MICAL1: variants seen among roughly 807,000 people sequenced by gnomAD.
MICAL1 encodes the protein [F-actin]-monooxygenase MICAL1.
Under a neutral mutation model 131.8 loss-of-function variants are expected in MICAL1, and 95 were observed. That is an observed-to-expected ratio of 0.72 (90% confidence interval 0.61 to 0.86). MICAL1 has a LOEUF of 0.86. MICAL1 is among the 40% of genes least tolerant of loss of function. The probability of loss-of-function intolerance (pLI) is 0.00; values close to 1 mark genes in which losing one functional copy is unlikely to be tolerated. For missense variants in MICAL1, 1,292 were observed against 1,380.6 expected, an observed-to-expected ratio of 0.94 and a Z score of 1.02; for synonymous variants, 546 against 554.2, an observed-to-expected ratio of 0.99 and a Z score of 0.21.
chr6:109,453,649 AG>A lies in MICAL1; in HGVS notation c.454del (p.Leu152TrpfsTer14). The A allele has an allele frequency of 6.2e-7, 1 of 1,603,780 alleles. No individual in the cohort carries two copies. The highest frequency in any genetic ancestry group is 8.5e-7 in the Non-Finnish European group (1 of 1,175,306). Reference protein sequence around the residue: ...KFYGRFCTGTLDHISIRQLQL... With the variant: ...KFYGRFCTGTXDHISIRQLQL... ...CACGTGGTGCTCACTGATGTGGTCCAGGGTGCCGGTGCAGAAGCGCCCGTAG... is the reference window on the plus strand; with the variant it reads ...CACGTGGTGCTCACTGATGTGGTCCAGGTGCCGGTGCAGAAGCGCCCGTAG... On this transcript the variant is annotated frameshift_variant, in exon 3 of 25. Coordinates refer to ENST00000358807, the MANE Select transcript of MICAL1 (RefSeq NM_022765.4). LOFTEE classifies it high-confidence loss of function.
At chr6:109,452,450 A>C (rs562756370) in intron 5 of MICAL1, 49 bp from the exon 6 acceptor site, 1 of 1,611,058 alleles carries the variant, frequency 6.2e-7, no homozygotes, top group Admixed American at 1.7e-5. Context: ...GGTTATAACA[A>C]TCTAGAAAGG....
chr6:109,453,411 C>T (rs1440677379), intron 3 of MICAL1, 44 bp from the exon 4 acceptor site: 3 of 1,589,208 alleles, frequency 1.9e-6, no homozygotes, highest in African/African-American at 2.7e-5. Context: ...TAGGGCAGCA[C>T]AAGCTCCCCA....
At position 109,453,927 on chromosome 6, in the gene MICAL1, C is replaced by T. The variant is rs1775644534; in HGVS notation, c.258+12G>A. 4 of 1,611,708 alleles carry T rather than the reference C, an allele frequency of 2.5e-6. No homozygotes were observed. Among genetic ancestry groups the T allele is most frequent in the Non-Finnish European group, 3.4e-6 (4 of 1,178,396 alleles). ...CATGCTCCACACCCCATCCCAGGCA[C>T]CGTGTATCCACCTTGGTGCTGGTGC... is the stretch of plus-strand genomic sequence containing the variant. On this transcript the variant is annotated intron_variant, in intron 2 of 24. Coordinates refer to ENST00000358807, the MANE Select transcript of MICAL1 (RefSeq NM_022765.4).
upstream of MICAL1, among the ~76,000 whole-genome samples, chr6:109,456,484 G>A (rs1225571023): frequency 6.6e-6 from 1 of 152,192 alleles, no homozygotes; most frequent in Non-Finnish European, 1.5e-5. Context: ...GCTTCCAAAT[G>A]GATATGAGAA....
chr6:109,448,892 G>T lies in MICAL1; in HGVS notation c.1517-13C>A. The T allele has an allele frequency of 6.2e-7, 1 of 1,612,470 alleles. No individual in the cohort carries two copies. ...GTGCCTGCCGACCCTGGGAAAGAAG[G>T]CTGTGCTGTGCCCAAGGCCCCCTCT... On this transcript the variant is annotated splice_polypyrimidine_tract_variant and intron_variant, in intron 11 of 24. Transcript: ENST00000358807.
chr6:109,447,941 TG>T lies in MICAL1; in HGVS notation c.1877del (p.Pro626GlnfsTer57). ...HSPGPVSQAS[P>X]GTSSAVLFLS... ...GGAATAATACAGCACTGGAGGTCCC[TG>T]GGGAGGCCTGGCTGACAGGGCCTGC... is the stretch of plus-strand genomic sequence containing the variant. On this transcript the variant is annotated frameshift_variant, in exon 14 of 25. Coordinates refer to ENST00000358807, the MANE Select transcript of MICAL1 (RefSeq NM_022765.4). LOFTEE classifies it high-confidence loss of function. The T allele has an allele frequency of 1.2e-6, 2 of 1,611,704 alleles. No individual in the cohort carries two copies. The highest frequency in any genetic ancestry group is 1.7e-6 in the Non-Finnish European group (2 of 1,178,778).
chr6:109,451,745 G>T, intron 6 of MICAL1, 45 bp from the exon 7 acceptor site: 2 of 1,607,630 alleles, frequency 1.2e-6, no homozygotes, highest in Non-Finnish European at 1.7e-6. Context: ...TCCTGATAAT[G>T]CATCACCTTC....
chr6:109,448,699 C>T (rs763647678), intron 12 of MICAL1, 33 bp downstream of exon 12: 1 of 1,612,652 alleles, frequency 6.2e-7, no homozygotes, highest in Admixed American at 1.7e-5. Flanking sequence ...ACACTGAGAT[C>T]ATGAGAGAGA....
At position 109,455,306 on chromosome 6, in the gene MICAL1, C is replaced by G. The variant is rs1468265069; in HGVS notation, c.-44+413G>C. Among the ~76,000 whole-genome samples the G allele has an allele frequency of 2.0e-5, 3 of 152,206 alleles. No individual in the cohort carries two copies. The highest frequency in any genetic ancestry group is 7.2e-5 in the African/African-American group (3 of 41,458). ...GCCCCTCCGTTCCCAGCCCGCCGCG[C>G]CGAGACAGGAGATGAAAGCCTCCCG... On this transcript the variant is annotated intron_variant, in intron 1 of 24. Coordinates refer to ENST00000358807, the MANE Select transcript of MICAL1 (RefSeq NM_022765.4). The surrounding 1 kb of genome is among the most constrained non-coding windows in gnomAD (Gnocchi z 4.7).
In MICAL1 at chr6:109,445,857, C is replaced by T; in HGVS notation, c.2587G>A (p.Val863Met). The part of the protein sequence containing the change: ...GLPVQSPQAL[V>M]AMEKEEKESP... The stretch of plus-strand genomic sequence containing the variant: ...TCTTTTTCCTCCTTCTCCATGGCCA[C>T]AAGAGCTGAGAAGAAGAACTGAGAC... The change falls in exon 20 of 25, where the codon GTG becomes ATG. Residue 863 changes from valine to methionine, a missense_variant. Transcript: ENST00000358807. 1.2e-6 allele frequency: 2 copies of T among 1,601,446 alleles called. No individual in the cohort carries two copies. The highest frequency in any genetic ancestry group is 1.1e-5 in the South Asian group (1 of 88,948).
At chr6:109,449,906 C>T in intron 9 of MICAL1, 64 bp downstream of exon 9, 2 of 1,596,348 alleles carry the variant, frequency 1.3e-6, no homozygotes, top group Non-Finnish European at 1.7e-6. Flanking sequence ...AGCACCCCTG[C>T]CCCTCTTCCT....
Position 109,444,097 on chromosome 6 carries a change from G to C in MICAL1, c.*94C>G, listed in dbSNP as rs900055569. The C allele has an allele frequency of 1.5e-5, 23 of 1,521,678 alleles. No individual in the cohort carries two copies. Among genetic ancestry groups the C allele is most frequent in the Admixed American group, 2.1e-5 (1 of 46,936 alleles). The allele number at this position is 1,521,678 out of a possible 1,614,324, so 94.3% of individuals were successfully genotyped here. On this transcript the variant is annotated 3_prime_UTR_variant, in exon 25 of 25. Coordinates refer to ENST00000358807, the MANE Select transcript of MICAL1 (RefSeq NM_022765.4). Reference sequence around the variant, plus strand: ...AAACATTTTAATTGTAAACAGCAAGGCTCTCTGCCAGGCAGCCCAGATGAA... The same window carrying C: ...AAACATTTTAATTGTAAACAGCAAGCCTCTCTGCCAGGCAGCCCAGATGAA...
At chr6:109,454,324 C>A in intron 1 of MICAL1, 85 bp from the exon 2 acceptor site, 1 of 1,320,150 alleles carries the variant, frequency 7.6e-7, no homozygotes, top group Non-Finnish European at 1.0e-6. Flanking sequence ...AGGCTGGTGT[C>A]CCCAGGGAGC....
intron 7 of MICAL1, 108 bp from the exon 8 acceptor site, chr6:109,450,665 A>T: frequency 7.7e-7 from 1 of 1,295,336 alleles, no homozygotes; most frequent in Non-Finnish European, 1.0e-6. Flanking sequence ...CCAGAGAAGG[A>T]AGGGGCTGCC....
At chr6:109,452,216 G>A in intron 6 of MICAL1, 30 bp downstream of exon 6, 1 of 1,595,206 alleles carries the variant, frequency 6.3e-7, no homozygotes, top group East Asian at 2.2e-5. Flanking sequence ...CAGGCAGGGG[G>A]AGGGGAAATT....
rs537162085 is a variant in MICAL1, at chr6:109,446,383, C to T, written c.2334G>A (p.Met778Ile). 1.3e-6 allele frequency: 2 copies of T among 1,584,350 alleles called. No individual in the cohort carries two copies. The highest frequency in any genetic ancestry group is 1.5e-5 in the African/African-American group (1 of 65,064). Residue 778 changes from methionine (M) to isoleucine (I), a missense_variant, in exon 19 of 25, where the codon ATG becomes ATA. By Grantham distance (10) the Met-to-Ile change is conservative. Transcript: ENST00000358807. ...PELPTPSENSMPPGLSTPTAS... is the reference protein window; with the variant it reads ...PELPTPSENSIPPGLSTPTAS... Reference sequence around the variant, plus strand: ...CTGTGGGAGTTGAGAGGCCTGGTGGCATGCTATTCTCACTTGGTGTGGGGA... The same window carrying T: ...CTGTGGGAGTTGAGAGGCCTGGTGGTATGCTATTCTCACTTGGTGTGGGGA...
At chr6:109,463,345 A>G (rs1247668066) in intron 1 of MICAL1, 1 of 152,170 alleles carries the variant, frequency 6.6e-6, no homozygotes, top group Non-Finnish European at 1.5e-5. Flanking sequence ...AAGAGGCTAG[A>G]TTAACAAAGC....
In MICAL1 at chr6:109,453,992, T is replaced by G. The variant is rs1280348856; in HGVS notation, c.205A>C (p.Lys69Gln). 1.9e-6 allele frequency: 3 copies of G among 1,614,100 alleles called. No homozygotes were observed. In the Admixed American group the frequency reaches 5.0e-5, roughly 27 times the overall value. The change falls in exon 2 of 25, where the codon AAG becomes CAG. Residue 69 changes from lysine to glutamine, a missense_variant. Coordinates refer to ENST00000358807, the MANE Select transcript of MICAL1 (RefSeq NM_022765.4). ...TGGTAGACAGGCTGGCCTGCTCGCT[T>G]GTCCAGCTTGGTCCACAGTGACTTG... is the stretch of plus-strand genomic sequence containing the variant. ...SAKSLWTKLD[K>Q]RAGQPVYQQG...
rs9400283 is a variant in MICAL1, at chr6:109,455,342, C to A, written c.-44+377G>T. ...GATGAAAGCCTCCCGCTGCGGGTGG[C>A]CCGGACGAGGGCAGACGGAATCTCA... On this transcript the variant is annotated intron_variant, in intron 1 of 24. Coordinates refer to ENST00000358807, the MANE Select transcript of MICAL1 (RefSeq NM_022765.4). The surrounding 1 kb of genome is among the most constrained non-coding windows in gnomAD (Gnocchi z 4.7). 1.3e-3 allele frequency among the ~76,000 whole-genome samples: 197 copies of A among 152,264 alleles called. 5 individuals carry two copies. The East Asian group carries it at 0.033, about 26-fold the overall frequency.
Sources: allele counts gnomAD v4.1 joint callset (sites outside exome capture counted in the v4.1 genomes callset), GRCh38; gene constraint gnomAD v4.1.1; non-coding constraint Gnocchi (gnomAD v3.1); transcripts MANE v1.5; gene names NCBI Gene and HGNC (gene_info 2026-07-23, HGNC 2026-07-21).